Variants in UTRN observed in about 807,000 individuals in gnomAD.
UTRN encodes utrophin.
Under a neutral mutation model 463.9 loss-of-function variants are expected in UTRN, and 283 were observed. That is an observed-to-expected ratio of 0.61 (90% CI 0.55 to 0.67). The LOEUF (loss-of-function observed/expected upper bound fraction) is 0.67. UTRN is among the 30% of genes least tolerant of loss of function. The pLI is 0.00. For missense variants in UTRN, 3,922 were observed against 4,084.3 expected, an observed-to-expected ratio of 0.96 and a Z score of 1.08; for synonymous variants, 1,442 against 1,431.5, an observed-to-expected ratio of 1.01 and a Z score of -0.17.
At chr6:144,365,734 A>G (rs573726141) in intron 2 of UTRN, among the ~76,000 whole-genome samples, 21 of 152,172 alleles carry the variant, frequency 1.4e-4, no homozygotes, top group African/African-American at 4.8e-4. Flanking sequence ...CATGGAAGGA[A>G]GTTTTATTTT....
chr6:144,329,145 C>T (rs1027169842), intron 2 of UTRN, among the ~76,000 whole-genome samples: 2 of 141,160 alleles, frequency 1.4e-5, no homozygotes, highest in Admixed American at 7.4e-5. Context: ...TGTAGGGGGG[C>T]GATCTCGGCT....
At chr6:144,635,138 G>GTTTTT (rs149100143) in intron 51 of UTRN, among the ~76,000 whole-genome samples, 11 of 103,114 alleles carry the variant, frequency 1.1e-4, no homozygotes, top group Admixed American at 2.1e-4. Flanking sequence ...TTATTTGTGT[G>GTTTTT]TTTTTTTTTT....
intron 2 of UTRN, among the ~76,000 whole-genome samples, chr6:144,360,089 TCCCTC>T (rs753178150): frequency 0.046 from 3,386 of 73,314 alleles, 351 homozygotes; most frequent in Non-Finnish European, 0.05. Context: ...TCCCTTCCCT[TCCCTC>T]CCCTCCCCTC....
chr6:144,607,445 C>T (rs1352334873), intron 51 of UTRN, among the ~76,000 whole-genome samples: 1 of 151,802 alleles, frequency 6.6e-6, no homozygotes, highest in Non-Finnish European at 1.5e-5. Flanking sequence ...TTCTAAACAT[C>T]TTCTTTTCTT....
chr6:144,423,374 T>C (rs1160579828), intron 4 of UTRN, among the ~76,000 whole-genome samples, 175 bp from the exon 5 acceptor site: 1 of 152,084 alleles, frequency 6.6e-6, no homozygotes, highest in Non-Finnish European at 1.5e-5. Context: ...AGTTGAGGGA[T>C]TTTCATACTG....
intron 52 of UTRN, among the ~76,000 whole-genome samples, chr6:144,692,656 T>C (rs987535595): frequency 6.8e-6 from 1 of 146,504 alleles, no homozygotes; most frequent in Admixed American, 6.7e-5. Context: ...ATGTTGAAGG[T>C]TTTTTTTTAA....
At chr6:144,764,538 G>C (rs1357416059) in intron 58 of UTRN, among the ~76,000 whole-genome samples, 1 of 152,124 alleles carries the variant, frequency 6.6e-6, no homozygotes, top group Non-Finnish European at 1.5e-5. Flanking sequence ...TAGGGTAAGG[G>C]ATGCAGTTAG....
Position 144,491,104 on chromosome 6 carries a change from T to C in UTRN, c.4437+2T>C, listed in dbSNP as rs1246668695. 2 of 1,594,746 alleles carry C rather than the reference T, an allele frequency of 1.3e-6. No homozygotes were observed. The highest frequency in any genetic ancestry group is 3.5e-5 in the Admixed American group (2 of 56,762). On this transcript the variant is annotated splice_donor_variant, in intron 32 of 74. Transcript: ENST00000367545. LOFTEE classifies it high-confidence loss of function. ...CAGACGCACCTGGACAAGTGTATGGTGAGGCTTTTGGGTGATTGGCACATC... is the reference window on the plus strand; with the variant it reads ...CAGACGCACCTGGACAAGTGTATGGCGAGGCTTTTGGGTGATTGGCACATC...
chr6:144,800,268 G>A (rs1403062688), intron 64 of UTRN, among the ~76,000 whole-genome samples: 3 of 152,162 alleles, frequency 2.0e-5, no homozygotes, highest in African/African-American at 7.2e-5. Context: ...AGAATATTAA[G>A]ATTTAACTGA....
intron 54 of UTRN, among the ~76,000 whole-genome samples, chr6:144,741,576 CT>C (rs1790092977): frequency 6.6e-6 from 1 of 152,046 alleles, no homozygotes; most frequent in Non-Finnish European, 1.5e-5. Flanking sequence ...TTCCTCTTTC[CT>C]TTTATTGCCA....
Position 144,821,162 on chromosome 6 carries a change from T to C in UTRN, c.9494+144T>C, listed in dbSNP as rs890404442. ...AAACTTGGAATCAGTCTTCACAACATGAATTTTTACAATTCACTTTTGACA... is the reference window on the plus strand; with the variant it reads ...AAACTTGGAATCAGTCTTCACAACACGAATTTTTACAATTCACTTTTGACA... On this transcript the variant is annotated intron_variant, in intron 66 of 74. Transcript: ENST00000367545. The C allele has an allele frequency of 1.1e-5, 12 of 1,088,742 alleles. No homozygotes were observed. The Middle Eastern group carries it at 7.1e-4, about 64-fold the overall frequency. The allele number at this position is 1,088,742 out of a possible 1,614,324, so 67.4% of individuals were successfully genotyped here.
chr6:144,548,650 T>A lies in UTRN; in HGVS notation c.6606T>A (p.Asn2202Lys), dbSNP rs1157535422. 2.5e-6 allele frequency: 4 copies of A among 1,612,764 alleles called. No individual in the cohort carries two copies. Among genetic ancestry groups the A allele is most frequent in the South Asian group, 1.1e-5 (1 of 90,726 alleles). Residue 2202 changes from asparagine (N) to lysine (K), a missense_variant, in exon 47 of 75, where the codon AAT becomes AAA. Around this residue, in one of 3 missense-constraint regions of UTRN, gnomAD observed 2,349 missense variants for 2,303.8 expected, o/e 1.02. Coordinates refer to ENST00000367545, the MANE Select transcript of UTRN (RefSeq NM_007124.3). ...CATTTTTCATTTCAGCTCATCCTAA[T>A]GTCCAAAAGGTGGTGCTAGTATCAT... The part of the protein sequence containing the change: ...VSQTRIAAHP[N>K]VQKVVLVSSA...
chr6:144,473,560 C>A (rs1266427919), intron 23 of UTRN, among the ~76,000 whole-genome samples, 160 bp from the exon 24 acceptor site: 16 of 152,156 alleles, frequency 1.1e-4, no homozygotes, highest in African/African-American at 3.9e-4. Context: ...AGAAAATAAT[C>A]ATTTTCAAAT....
At position 144,467,407 on chromosome 6, in the gene UTRN, C is replaced by A. The variant is rs28362044; in HGVS notation, c.3066+4541C>A. ...TCTCTCTTCCCACGAGGCATGAGCT[C>A]TTTGAGGGTTGGATCCCTGTCAGGC... On this transcript the variant is annotated intron_variant, in intron 23 of 74. Coordinates refer to ENST00000367545, the MANE Select transcript of UTRN (RefSeq NM_007124.3). 6.1e-3 allele frequency among the ~76,000 whole-genome samples: 931 copies of A among 152,296 alleles called. 1 individual carries two copies. The highest frequency in any genetic ancestry group is 0.024 in the Middle Eastern group (7 of 294).
In UTRN at chr6:144,494,302, C is replaced by G. The variant is rs796109026; in HGVS notation, c.4593+846C>G. ...CATGGTCTTCCTGGCTCAGGAGTGA[C>G]GCTGCAGACCTTTGCAGTGAGTGTT... On this transcript the variant is annotated intron_variant, in intron 33 of 74. Coordinates refer to ENST00000367545, the MANE Select transcript of UTRN (RefSeq NM_007124.3). Among the ~76,000 whole-genome samples, 124 of 152,038 alleles carry G rather than the reference C, an allele frequency of 8.2e-4. 1 individual carries two copies. The highest frequency in any genetic ancestry group is 2.9e-3 in the African/African-American group (121 of 41,468).
intron 51 of UTRN, among the ~76,000 whole-genome samples, chr6:144,671,854 G>T (rs1016759467): frequency 6.6e-6 from 1 of 152,032 alleles, no homozygotes; most frequent in Non-Finnish European, 1.5e-5. Context: ...TTTGCTGAGG[G>T]TTTTAATCAT....
chr6:144,329,151 C>G (rs1183508580), intron 2 of UTRN, among the ~76,000 whole-genome samples: 1 of 144,960 alleles, frequency 6.9e-6, no homozygotes, highest in Non-Finnish European at 1.5e-5. Context: ...GGGGCGATCT[C>G]GGCTCACTGC....
chr6:144,758,307 TA>T (rs57600102), intron 58 of UTRN: 70,303 of 157,510 alleles, frequency 0.45, 18,354 homozygotes, highest in East Asian at 0.83. Context: ...CTCTAAAAAG[TA>T]AAAAAAAAAA....
rs1450028754 is a variant in UTRN at position 144,286,998 on chromosome 6, G to C, written c.-93+1177G>C. 6.6e-6 allele frequency among the ~76,000 whole-genome samples: 1 copy of C among 152,126 alleles called. No individual in the cohort carries two copies. The highest frequency in any genetic ancestry group is 2.4e-5 in the African/African-American group (1 of 41,422). On this transcript the variant is annotated intron_variant, in intron 1 of 74. Coordinates refer to ENST00000367545, the MANE Select transcript of UTRN (RefSeq NM_007124.3). The surrounding 1 kb of genome is among the most constrained non-coding windows in gnomAD (Gnocchi z 4.4). The stretch of plus-strand genomic sequence containing the variant: ...GAGCGCGCGGAGCTCGGGGGAGGCC[G>C]GATTCCCTAGGTCTGAGCCGACCCT...
Sources: allele counts gnomAD v4.1 joint callset (sites outside exome capture counted in the v4.1 genomes callset), GRCh38; gene constraint gnomAD v4.1.1; regional missense constraint gnomAD v4.1.1; non-coding constraint Gnocchi (gnomAD v3.1); transcripts MANE v1.5; gene names NCBI Gene and HGNC (gene_info 2026-07-23, HGNC 2026-07-21).